BANK1: variants seen among roughly 807,000 people sequenced by gnomAD.
BANK1 encodes the protein B-cell scaffold protein with ankyrin repeats.
In BANK1, 95 loss-of-function variants were observed where a neutral mutation model predicts 94.5. That is an observed-to-expected ratio of 1.00 (90% CI 0.85 to 1.19). The LOEUF (loss-of-function observed/expected upper bound fraction) is 1.19, where lower values mean the gene tolerates loss of function less well. Ranked by LOEUF, BANK1 falls within the 50% of genes most tolerant of loss-of-function variation. The pLI, the probability that BANK1 is intolerant of heterozygous loss-of-function variation, is 0.00. For missense variants in BANK1, 987 were observed against 932.2 expected, an observed-to-expected ratio of 1.06 and a Z score of -0.77; for synonymous variants, 334 against 308.4, an observed-to-expected ratio of 1.08 and a Z score of -0.87.
intron 1 of BANK1, among the ~76,000 whole-genome samples, chr4:101,805,523 T>C (rs889834669): frequency 3.3e-5 from 5 of 151,770 alleles, no homozygotes; most frequent in South Asian, 2.1e-4. Flanking sequence ...AATAAAGCTG[T>C]AGCCGTTTCT....
chr4:101,851,890 A>G (rs951386813), intron 2 of BANK1, among the ~76,000 whole-genome samples: 2 of 152,176 alleles, frequency 1.3e-5, no homozygotes, highest in African/African-American at 4.8e-5. Context: ...GGAAAGTCCC[A>G]GTTATCTCTG....
intron 11 of BANK1, among the ~76,000 whole-genome samples, chr4:102,059,026 T>G (rs1728327406): frequency 6.6e-6 from 1 of 152,168 alleles, no homozygotes; most frequent in East Asian, 1.9e-4. Flanking sequence ...TCAAGTCCTC[T>G]TCAGACATAT....
chr4:102,022,619 G>A (rs1726952190), intron 8 of BANK1, among the ~76,000 whole-genome samples: 1 of 152,158 alleles, frequency 6.6e-6, no homozygotes, highest in South Asian at 2.1e-4. Flanking sequence ...TTATTGGGTA[G>A]AGATAGAAGG....
intron 7 of BANK1, among the ~76,000 whole-genome samples, chr4:101,927,079 G>T (rs1049341894): frequency 2.0e-5 from 3 of 151,712 alleles, no homozygotes; most frequent in African/African-American, 2.4e-5. Flanking sequence ...CTGCTATAAA[G>T]AATTGCCGGA....
chr4:101,919,171 G>A (rs963410810), intron 7 of BANK1, among the ~76,000 whole-genome samples: 1 of 151,840 alleles, frequency 6.6e-6, no homozygotes, highest in Non-Finnish European at 1.5e-5. Flanking sequence ...AGTCAATTCA[G>A]CCTTGGATAT....
chr4:102,020,487 A>G (rs948390073), intron 7 of BANK1, among the ~76,000 whole-genome samples: 1 of 152,126 alleles, frequency 6.6e-6, no homozygotes. Context: ...TCCATGGGAA[A>G]TTAGGGACTG....
chr4:102,005,595 T>C lies in BANK1; in HGVS notation c.1207-15919T>C, dbSNP rs74502653. Among the ~76,000 whole-genome samples the C allele has an allele frequency of 4.7e-3, 721 of 152,164 alleles. 12 individuals carry two copies. In the East Asian group the frequency reaches 0.055, roughly 12 times the overall value. Reference sequence around the variant, plus strand: ...TTAGATTGTTTTCATTCATGGAAAATAGACATCATTGGTTGAAACATCAGT... The same window carrying C: ...TTAGATTGTTTTCATTCATGGAAAACAGACATCATTGGTTGAAACATCAGT... On this transcript the variant is annotated intron_variant, in intron 7 of 16. Transcript: ENST00000322953.
chr4:101,790,780 G>T lies in BANK1; in HGVS notation c.-101G>T. ...TGGCAAGCGGGCTGGGGAGAGCCGA[G>T]GGCCAAAGGAAGAGAAAATCGCGGG... is the stretch of plus-strand genomic sequence containing the variant. On this transcript the variant is annotated 5_prime_UTR_variant, in exon 1 of 17. The change creates a new upstream start codon in the 5' untranslated region. Coordinates refer to ENST00000322953, the MANE Select transcript of BANK1 (RefSeq NM_017935.5). 2 of 1,293,248 alleles carry T rather than the reference G, an allele frequency of 1.5e-6. No individual in the cohort carries two copies. The highest frequency in any genetic ancestry group is 2.2e-6 in the Non-Finnish European group (2 of 927,884). The allele number at this position is 1,293,248 out of a possible 1,614,324, so 80.1% of individuals were successfully genotyped here.
chr4:101,893,048 G>A (rs987667920), intron 5 of BANK1, among the ~76,000 whole-genome samples: 1 of 152,082 alleles, frequency 6.6e-6, no homozygotes, highest in East Asian at 1.9e-4. Flanking sequence ...AATAGAAGTG[G>A]TTAGATTCAA....
intron 1 of BANK1, among the ~76,000 whole-genome samples, chr4:101,822,935 C>T (rs13137133): frequency 0.49 from 73,868 of 151,898 alleles, 19,524 homozygotes; most frequent in African/African-American, 0.7. Flanking sequence ...CTTTATCCAG[C>T]CTATCATTGA....
chr4:102,020,092 C>T (rs1726841487), intron 7 of BANK1, among the ~76,000 whole-genome samples: 1 of 152,134 alleles, frequency 6.6e-6, no homozygotes, highest in African/African-American at 2.4e-5. Context: ...ATTTTGAGCT[C>T]ATAATGCCCA....
intron 7 of BANK1, among the ~76,000 whole-genome samples, chr4:101,973,265 C>T (rs1725013936): frequency 6.6e-6 from 1 of 151,678 alleles, no homozygotes; most frequent in Non-Finnish European, 1.5e-5. Flanking sequence ...TATAAATTTA[C>T]ATAATTATAT....
chr4:102,012,928 T>C (rs1038628180), intron 7 of BANK1, among the ~76,000 whole-genome samples: 1 of 152,152 alleles, frequency 6.6e-6, no homozygotes, highest in Non-Finnish European at 1.5e-5. Context: ...AATTCATTCA[T>C]TATTTAGTTT....
intron 2 of BANK1, among the ~76,000 whole-genome samples, chr4:101,851,353 TA>T (rs1273795896): frequency 2.6e-5 from 4 of 152,168 alleles, no homozygotes; most frequent in East Asian, 1.9e-4. Flanking sequence ...ATAAATCATT[TA>T]AAAAAACCTA....
intron 7 of BANK1, among the ~76,000 whole-genome samples, chr4:101,953,430 G>C (rs1269813376): frequency 6.6e-6 from 1 of 152,042 alleles, no homozygotes; most frequent in Non-Finnish European, 1.5e-5. Flanking sequence ...GAATTGCATG[G>C]AGAGAACAGA....
At chr4:101,864,430 G>A (rs777029751) in intron 4 of BANK1, among the ~76,000 whole-genome samples, 9 of 152,092 alleles carry the variant, frequency 5.9e-5, no homozygotes, top group Non-Finnish European at 1.2e-4. Flanking sequence ...GGAAAACAAA[G>A]GTTTTACAAG....
At chr4:101,913,217 A>G (rs994922628) in intron 6 of BANK1, among the ~76,000 whole-genome samples, 5 of 152,154 alleles carry the variant, frequency 3.3e-5, no homozygotes, top group Non-Finnish European at 7.3e-5. Context: ...ATTTTTTTTA[A>G]TGAATGTAGA....
chr4:101,826,668 A>G (rs1395509417), intron 1 of BANK1, among the ~76,000 whole-genome samples: 1 of 151,954 alleles, frequency 6.6e-6, no homozygotes, highest in East Asian at 1.9e-4. Context: ...TAGATGAGAT[A>G]CTACACTACT....
intron 8 of BANK1, among the ~76,000 whole-genome samples, chr4:102,022,242 C>T (rs1017921733): frequency 1.2e-4 from 18 of 152,098 alleles, no homozygotes; most frequent in Non-Finnish European, 7.4e-5. Flanking sequence ...AGTTCGGATT[C>T]CTGCCATTGC....
Sources: allele counts gnomAD v4.1 joint callset (sites outside exome capture counted in the v4.1 genomes callset), GRCh38; gene constraint gnomAD v4.1.1; transcripts MANE v1.5; gene names NCBI Gene and HGNC (gene_info 2026-07-23, HGNC 2026-07-21).